The following KLC2 variants were observed in gnomAD, a reference collection of about 807,000 sequenced individuals.
KLC2 encodes KLC 2.
KLC2 carries 35 observed loss-of-function variants against 75.1 expected under a neutral mutation model. That is an observed-to-expected ratio of 0.47 (90% CI 0.36 to 0.62). The LOEUF is 0.62. KLC2 is among the 20% of genes least tolerant of loss of function. The pLI, the probability that KLC2 is intolerant of heterozygous loss-of-function variation, is 0.00. For synonymous variants in KLC2, 314 were observed against 336.7 expected (o/e 0.93, Z 0.74); for missense variants, 611 against 833.2 (o/e 0.73, Z 3.28).
chr11:66,256,656 T>A (rs2134782581), upstream of KLC2, among the ~76,000 whole-genome samples: 1 of 152,258 alleles, frequency 6.6e-6, no homozygotes, highest in South Asian at 2.1e-4. Flanking sequence ...GATGATAAAG[T>A]AAGAACCTGT....
chr11:66,263,773 G>A lies in KLC2; in HGVS notation c.840+26G>A, dbSNP rs766654223. 5.0e-6 allele frequency: 8 copies of A among 1,608,784 alleles called. No homozygotes were observed. In the East Asian group the frequency reaches 6.7e-5, roughly 13 times the overall value. The stretch of plus-strand genomic sequence containing the variant: ...GTGAGTGAGGGTTGGGTGGGAGGTG[G>A]GGGCTGTGCCCCATCCCCTGCAGGT... On this transcript the variant is annotated intron_variant, in intron 6 of 15. Coordinates refer to ENST00000394067, the MANE Select transcript of KLC2 (RefSeq NM_001318734.2).
the KLC2 span, among the ~76,000 whole-genome samples, chr11:66,246,915 G>T: frequency 6.6e-6 from 1 of 151,992 alleles, no homozygotes; most frequent in Non-Finnish European, 1.5e-5. Flanking sequence ...CCCTTGCTAT[G>T]GTGTCCTCAG....
chr11:66,258,482 G>A, intron 1 of KLC2, 102 bp from the exon 2 acceptor site: 1 of 754,072 alleles, frequency 1.3e-6, no homozygotes, highest in Non-Finnish European at 2.2e-6. Flanking sequence ...TGGGCACACG[G>A]GAGACTCAGG....
rs779859727 is a variant in KLC2 at position 66,258,775 on chromosome 11, C to T, written c.181C>T (p.Leu61=). ...EPGSQERCIL[L]RRSLEAIELG... is the part of the protein sequence containing the mutation. The stretch of plus-strand genomic sequence containing the variant: ...TGGCTCGCAGGAGCGCTGCATCCTC[C>T]TGCGTCGCTCCCTGGAAGCCATTGA... The change falls in exon 2 of 16, where the codon CTG becomes TTG. Residue 61 remains leucine (L), a synonymous_variant. Coordinates refer to ENST00000394067, the MANE Select transcript of KLC2 (RefSeq NM_001318734.2). 2 of 1,613,378 alleles carry T rather than the reference C, an allele frequency of 1.2e-6. No homozygotes were observed. The highest frequency in any genetic ancestry group is 1.7e-6 in the Non-Finnish European group (2 of 1,179,938).
At chr11:66,252,877 G>A (rs1297028668), upstream of KLC2, among the ~76,000 whole-genome samples, 4 of 152,136 alleles carry the variant, frequency 2.6e-5, no homozygotes, top group Admixed American at 6.6e-5. Context: ...TCTTGGCTCA[G>A]TGGCAGAAAG....
At position 66,267,604 on chromosome 11, in the gene KLC2, C is replaced by T. The variant is rs1856932231; in HGVS notation, c.*648C>T. On this transcript the variant is annotated 3_prime_UTR_variant, in exon 16 of 16. Coordinates refer to ENST00000394067, the MANE Select transcript of KLC2 (RefSeq NM_001318734.2). ...GGACGGGGACCTCCCCTTAGTCCGT[C>T]CTCCCACCGCCGGGCCCTGCCCCGC... 1.7e-6 allele frequency: 1 copy of T among 602,810 alleles called. No individual in the cohort carries two copies. The highest frequency in any genetic ancestry group is 2.8e-5 in the East Asian group (1 of 36,148). 37.3% of individuals were successfully genotyped at this position (602,810 alleles called of 1,614,324 possible).
chr11:66,267,151 C>G lies in KLC2; in HGVS notation c.*195C>G. 1 of 1,542,254 alleles carries G rather than the reference C, an allele frequency of 6.5e-7. No individual in the cohort carries two copies. Among genetic ancestry groups the G allele is most frequent in the Non-Finnish European group, 8.8e-7 (1 of 1,142,076 alleles). ...CTGGGCCTGCCCACTCCAGCTCCAT[C>G]CCTTATTTATTCCTTCCAGCAGGGC... On this transcript the variant is annotated 3_prime_UTR_variant, in exon 16 of 16. Transcript: ENST00000394067.
rs1006410662 is a variant in KLC2 at position 66,262,029 on chromosome 11, G to A, written c.459+57G>A. On this transcript the variant is annotated intron_variant, in intron 3 of 15. Coordinates refer to ENST00000394067, the MANE Select transcript of KLC2 (RefSeq NM_001318734.2). ...CAAGGAGGCCTGGGAGCAGGGAGGG[G>A]CAGCATGGAGCAGATTCGGCTCCAC... 3.2e-6 allele frequency: 5 copies of A among 1,584,810 alleles called. No individual in the cohort carries two copies. The Admixed American group carries it at 6.7e-5, about 21-fold the overall frequency.
chr11:66,245,280 TGAA>T, the KLC2 span, among the ~76,000 whole-genome samples: 1 of 152,092 alleles, frequency 6.6e-6, no homozygotes, highest in Non-Finnish European at 1.5e-5. Flanking sequence ...GCCTTCCCCA[TGAA>T]GAAGTGCCCA....
intron 4 of KLC2, 119 bp downstream of exon 4, chr11:66,262,311 T>A: frequency 1.3e-6 from 1 of 771,088 alleles, no homozygotes; most frequent in South Asian, 1.6e-5. Context: ...TCCTAGTGTG[T>A]TAGAGCTTCA....
chr11:66,258,298 T>G, intron 1 of KLC2: 1 of 449,096 alleles, frequency 2.2e-6, no homozygotes. Context: ...CTGTCCTGGT[T>G]AGGGGGTCCC....
chr11:66,261,695 C>A, intron 2 of KLC2, 47 bp from the exon 3 acceptor site: 2 of 1,308,162 alleles, frequency 1.5e-6, no homozygotes, highest in Non-Finnish European at 1.1e-6. Flanking sequence ...CAGTCATAGG[C>A]GAGGGGGTCG....
rs1202974933 is a variant in KLC2 at position 66,261,945 on chromosome 11, C to G, written c.432C>G (p.Arg144=). 2.5e-6 allele frequency: 4 copies of G among 1,614,144 alleles called. No homozygotes were observed. Among genetic ancestry groups the G allele is most frequent in the Non-Finnish European group, 3.4e-6 (4 of 1,179,986 alleles). ...ACTTGCTGTTCATGAGCCAGATCCG[C>G]AAGTTGGATGAAGACGCCTCCCCTA... The part of the protein sequence containing the change: ...KQHLLFMSQI[R]KLDEDASPNE... The change falls in exon 3 of 16, where the codon CGC becomes CGG. Residue 144 remains arginine, a synonymous_variant. Coordinates refer to ENST00000394067, the MANE Select transcript of KLC2 (RefSeq NM_001318734.2).
At chr11:66,262,255 C>A in intron 4 of KLC2, 63 bp downstream of exon 4, 2 of 1,332,684 alleles carry the variant, frequency 1.5e-6, no homozygotes, top group Non-Finnish European at 2.2e-6. Flanking sequence ...GTCCTTGGGA[C>A]CGAGTGGCTG....
At chr11:66,254,935 A>C (rs1855991914), upstream of KLC2, among the ~76,000 whole-genome samples, 1 of 152,112 alleles carries the variant, frequency 6.6e-6, no homozygotes, top group South Asian at 2.1e-4. Context: ...AAAAAAAAAA[A>C]AGTCCCAAGA....
the KLC2 span, among the ~76,000 whole-genome samples, chr11:66,247,473 C>A: frequency 6.6e-6 from 1 of 152,170 alleles, no homozygotes; most frequent in Non-Finnish European, 1.5e-5. Flanking sequence ...ACTGGCCTCT[C>A]AACATTCCTC....
chr11:66,265,720 C>T lies in KLC2; in HGVS notation c.1400C>T (p.Ala467Val). ...TACCGGCGCCAGGGCAAGCTGGAAG[C>T]CGCGCACACACTAGAGGACTGTGCC... Reference protein sequence around the residue: ...ALYRRQGKLEAAHTLEDCASR... With the variant: ...ALYRRQGKLEVAHTLEDCASR... Residue 467 changes from alanine (A) to valine (V), a missense_variant, in exon 12 of 16, where the codon GCC becomes GTC. Physicochemically the swap from Ala to Val is moderately conservative, Grantham distance 64 (BLOSUM62 0). Transcript: ENST00000394067. 1 of 1,613,882 alleles carries T rather than the reference C, an allele frequency of 6.2e-7. No individual in the cohort carries two copies. Among genetic ancestry groups the T allele is most frequent in the Non-Finnish European group, 8.5e-7 (1 of 1,179,958 alleles).
At chr11:66,264,547 G>A (rs1856679299) in intron 9 of KLC2, 103 bp downstream of exon 9, 2 of 867,488 alleles carry the variant, frequency 2.3e-6, no homozygotes, top group Admixed American at 2.0e-5. Flanking sequence ...CTCAGGCTTT[G>A]GCCTGGCTGG....
chr11:66,256,884 C>G (rs61890332), upstream of KLC2, among the ~76,000 whole-genome samples: 1,618 of 152,196 alleles, frequency 0.011, 18 homozygotes, highest in Non-Finnish European at 0.018. Flanking sequence ...CTGATCACCA[C>G]CTTCTGAGCA....
Sources: allele counts gnomAD v4.1 joint callset (sites outside exome capture counted in the v4.1 genomes callset), GRCh38; gene constraint gnomAD v4.1.1; transcripts MANE v1.5; gene names NCBI Gene and HGNC (gene_info 2026-07-23, HGNC 2026-07-21).